Variants in TMTC4 observed in about 807,000 individuals in gnomAD.
The protein encoded by TMTC4 is protein O-mannosyl-transferase TMTC4.
TMTC4 carries 65 observed loss-of-function variants against 86.0 expected under a neutral mutation model. The observed-to-expected ratio is 0.76, with a 90% CI of 0.62 to 0.93. TMTC4 has a LOEUF of 0.93. TMTC4 is among the 40% of genes least tolerant of loss of function. The pLI is 0.00. For missense variants in TMTC4, 866 were observed against 948.1 expected (o/e 0.91, Z 1.14); for synonymous variants, 379 against 382.5 (o/e 0.99, Z 0.11).
rs1244866223 is a variant in TMTC4 at position 100,625,641 on chromosome 13, A to G, written c.1730T>C (p.Ile577Thr). The change falls in exon 15 of 19, where the codon ATA (isoleucine) becomes ACA (threonine). Residue 577 changes from isoleucine to threonine, a missense_variant. Transcript: ENST00000342624. ...AAACCGTTTCAGGCTATTCTGCACTATGCCTAGATTCATCCACGCAGCGGC... is the reference window on the plus strand; with the variant it reads ...AAACCGTTTCAGGCTATTCTGCACTGTGCCTAGATTCATCCACGCAGCGGC... ...DFAAAWMNLGIVQNSLKRFEA... is the reference protein window; with the variant it reads ...DFAAAWMNLGTVQNSLKRFEA... 6.2e-7 allele frequency: 1 copy of G among 1,614,188 alleles called. No homozygotes were observed. Among genetic ancestry groups the G allele is most frequent in the East Asian group, 2.2e-5 (1 of 44,870 alleles).
intron 15 of TMTC4, among the ~76,000 whole-genome samples, chr13:100,621,058 T>G (rs964143090): frequency 1.1e-4 from 17 of 152,192 alleles, no homozygotes; most frequent in African/African-American, 4.1e-4. Flanking sequence ...GCAGTGTAAT[T>G]AGTAAACAAT....
intron 5 of TMTC4, among the ~76,000 whole-genome samples, chr13:100,656,679 G>C (rs537080866): frequency 6.6e-6 from 1 of 151,850 alleles, no homozygotes; most frequent in South Asian, 2.1e-4. Context: ...GAATAGCTGG[G>C]AGCAGAGGCG....
intron 17 of TMTC4, among the ~76,000 whole-genome samples, chr13:100,607,795 A>G (rs1397683783): frequency 6.6e-6 from 1 of 152,128 alleles, no homozygotes; most frequent in East Asian, 1.9e-4. Flanking sequence ...ATATTTTAGA[A>G]ATGTCATCCA....
chr13:100,627,190 G>A (rs917441074), intron 12 of TMTC4, among the ~76,000 whole-genome samples: 2 of 152,208 alleles, frequency 1.3e-5, no homozygotes, highest in African/African-American at 2.4e-5. Flanking sequence ...GGAGCACAGA[G>A]AGCAGGGATG....
At chr13:100,662,577 G>C (rs915309884) in intron 5 of TMTC4, among the ~76,000 whole-genome samples, 1 of 152,106 alleles carries the variant, frequency 6.6e-6, no homozygotes, top group Non-Finnish European at 1.5e-5. Context: ...CTCCACTGAA[G>C]AACAGTTCTT....
In TMTC4 at chr13:100,634,833, G is replaced by T. The variant is rs776838015; in HGVS notation, c.1478C>A (p.Ala493Asp). The T allele has an allele frequency of 1.3e-4, 203 of 1,614,048 alleles. No homozygotes were observed. Among genetic ancestry groups the T allele is most frequent in the Non-Finnish European group, 1.6e-4 (192 of 1,180,046 alleles). The stretch of plus-strand genomic sequence containing the variant: ...AGCATTGAGGGGACACACAGACAGA[G>T]CACTTCTGAAAAGCTGTTCCTCACT... ...WRSEEQLFRS[A>D]LSVCPLNAKV... Residue 493 changes from alanine to aspartate, a missense_variant, in exon 12 of 19, where the codon GCT becomes GAT. Transcript: ENST00000342624.
intron 1 of TMTC4, chr13:100,673,241 G>A: frequency 1.4e-5 from 12 of 881,018 alleles, no homozygotes; most frequent in Non-Finnish European, 1.6e-5. Context: ...TCATCCAGCT[G>A]TGAACCATGA....
intron 15 of TMTC4, among the ~76,000 whole-genome samples, chr13:100,623,449 T>C (rs1381834530): frequency 1.3e-5 from 2 of 152,148 alleles, no homozygotes; most frequent in African/African-American, 4.8e-5. Context: ...GCCAGGCTGG[T>C]CTTGAACTCC....
chr13:100,674,363 C>T (rs1363831461), intron 1 of TMTC4: 2 of 974,514 alleles, frequency 2.1e-6, no homozygotes, highest in East Asian at 1.2e-4. Context: ...GGCCAGATGG[C>T]CGCTCCGGGG....
chr13:100,656,403 G>C lies in TMTC4; in HGVS notation c.618C>G (p.Gly206=). 6.2e-7 allele frequency: 1 copy of C among 1,613,276 alleles called. No individual in the cohort carries two copies. The highest frequency in any genetic ancestry group is 8.5e-7 in the Non-Finnish European group (1 of 1,179,718). ...CALFFLLSFL[G]YCKAFRESNK... ...TACTTTCTCTAAATGCTTTACAGTA[G>C]CCAAGGAAAGATAACAAGAAGAACA... is the stretch of plus-strand genomic sequence containing the variant. The change falls in exon 6 of 19, where the codon GGC becomes GGG. Residue 206 remains glycine, a synonymous_variant. Coordinates refer to ENST00000342624, the MANE Select transcript of TMTC4 (RefSeq NM_032813.5).
chr13:100,644,765 G>A (rs531320900), intron 6 of TMTC4, among the ~76,000 whole-genome samples: 1 of 152,140 alleles, frequency 6.6e-6, no homozygotes, highest in African/African-American at 2.4e-5. Flanking sequence ...CCAGCTGATC[G>A]ACAGGAAAGC....
rs1448619800 is a variant in TMTC4, at chr13:100,663,124, A to G, written c.392T>C (p.Ile131Thr). ...GACAGAGATGCCACTGTGCAGGAGG[A>G]TGTTGACCACGTGAAAGCCCACGGG... The part of the protein sequence containing the change: ...FHPVGFHVVN[I>T]LLHSGISVLM... Residue 131 changes from isoleucine (I) to threonine (T), a missense_variant, in exon 5 of 19, where the codon ATC (isoleucine) becomes ACC (threonine). Physicochemically the swap from Ile to Thr is moderately conservative, Grantham distance 89 (BLOSUM62 -1). Transcript: ENST00000342624. The G allele has an allele frequency of 6.2e-7, 1 of 1,614,062 alleles. No individual in the cohort carries two copies. Among genetic ancestry groups the G allele is most frequent in the African/African-American group, 1.3e-5 (1 of 74,920 alleles).
At chr13:100,634,583 A>G (rs2297942) in intron 12 of TMTC4, among the ~76,000 whole-genome samples, 27,773 of 152,014 alleles carry the variant, frequency 0.18, 2,848 homozygotes, top group Admixed American at 0.24. Flanking sequence ...TTTCATTGAT[A>G]CTGTCTGCTT....
At chr13:100,657,870 G>A (rs554420608) in intron 5 of TMTC4, among the ~76,000 whole-genome samples, 11 of 152,258 alleles carry the variant, frequency 7.2e-5, no homozygotes, top group East Asian at 5.8e-4. Flanking sequence ...ACGAAATGCC[G>A]AGGACCATTC....
chr13:100,625,516 C>T lies in TMTC4; in HGVS notation c.1836+19G>A. The T allele has an allele frequency of 1.2e-6, 2 of 1,612,786 alleles. No individual in the cohort carries two copies. The highest frequency in any genetic ancestry group is 2.7e-5 in the African/African-American group (2 of 75,028). On this transcript the variant is annotated intron_variant, in intron 15 of 18. Transcript: ENST00000342624. ...TAACCCATCTTTCCTTCCACAGGCA[C>T]AGGGCACCCCGCGCTTACCAGACGC...
At chr13:100,671,743 C>T (rs1887129391) in intron 1 of TMTC4, among the ~76,000 whole-genome samples, 1 of 152,140 alleles carries the variant, frequency 6.6e-6, no homozygotes, top group African/African-American at 2.4e-5. Context: ...TCAGGGGGCT[C>T]CTTCTCCTTT....
intron 15 of TMTC4, among the ~76,000 whole-genome samples, chr13:100,619,135 C>A (rs1210593684): frequency 6.6e-6 from 1 of 150,588 alleles, no homozygotes; most frequent in Non-Finnish European, 1.5e-5. Flanking sequence ...CCACCCACCT[C>A]CCTCCCGGAC....
chr13:100,609,242 T>C (rs1400725640), intron 17 of TMTC4, among the ~76,000 whole-genome samples: 1 of 152,172 alleles, frequency 6.6e-6, no homozygotes, highest in Admixed American at 6.6e-5. Flanking sequence ...TGGCCAGCAA[T>C]AGTATCTAGC....
intron 5 of TMTC4, among the ~76,000 whole-genome samples, chr13:100,658,931 G>A (rs1885438899): frequency 6.6e-6 from 1 of 152,198 alleles, no homozygotes; most frequent in Admixed American, 6.5e-5. Context: ...CCCAAGGAGA[G>A]GGACTGTATC....
Sources: allele counts gnomAD v4.1 joint callset (sites outside exome capture counted in the v4.1 genomes callset), GRCh38; gene constraint gnomAD v4.1.1; transcripts MANE v1.5; gene names NCBI Gene and HGNC (gene_info 2026-07-23, HGNC 2026-07-21).